BACH2: variants seen among roughly 807,000 people sequenced by gnomAD.
The protein encoded by BACH2 is BACH transcriptional regulator 2, also known as transcription regulator protein BACH2.
In BACH2, 5 loss-of-function variants were observed where a neutral mutation model predicts 61.8. The observed-to-expected ratio is 0.08, with a 90% confidence interval of 0.04 to 0.17. The LOEUF (loss-of-function observed/expected upper bound fraction) is 0.17, where lower values mean the gene tolerates loss of function less well. BACH2 is among the 10% of genes least tolerant of loss of function. BACH2 has a pLI of 1.00. For synonymous variants in BACH2, 446 were observed against 440.1 expected, an observed-to-expected ratio of 1.01 and a Z score of -0.17; for missense variants, 824 against 1,091.1, an observed-to-expected ratio of 0.76 and a Z score of 3.45.
At position 90,038,295 on chromosome 6, in the gene BACH2, C is replaced by G. The variant is rs922770102; in HGVS notation, c.-12-29439G>C. Among the ~76,000 whole-genome samples, 3 of 152,182 alleles carry G rather than the reference C, an allele frequency of 2.0e-5. No individual in the cohort carries two copies. In the South Asian group the frequency reaches 6.2e-4, roughly 32 times the overall value. Reference sequence around the variant, plus strand: ...ACCCAAATGAAGACTATTATCAGCACCCCAGAATTCTCCTTCATGCCCCAT... The same window carrying G: ...ACCCAAATGAAGACTATTATCAGCAGCCCAGAATTCTCCTTCATGCCCCAT... On this transcript the variant is annotated intron_variant, in intron 5 of 8. Transcript: ENST00000257749.
At chr6:90,107,995 A>G (rs749105332) in intron 4 of BACH2, among the ~76,000 whole-genome samples, 1 of 152,128 alleles carries the variant, frequency 6.6e-6, no homozygotes, top group Non-Finnish European at 1.5e-5. Flanking sequence ...ATAAATATTT[A>G]CCATATCTAT....
At chr6:90,015,400 T>C (rs1435414125) in intron 5 of BACH2, among the ~76,000 whole-genome samples, 1 of 152,196 alleles carries the variant, frequency 6.6e-6, no homozygotes, top group Non-Finnish European at 1.5e-5. Flanking sequence ...TTTTGTCTTT[T>C]CTAACACAGG....
intron 4 of BACH2, among the ~76,000 whole-genome samples, chr6:90,168,509 G>A (rs1480564832): frequency 2.0e-5 from 3 of 152,062 alleles, no homozygotes; most frequent in Non-Finnish European, 4.4e-5. Context: ...AAAACAATAG[G>A]TTTCAAAAAT....
chr6:90,155,019 G>GGA (rs979791167), intron 4 of BACH2, among the ~76,000 whole-genome samples: 46 of 152,310 alleles, frequency 3.0e-4, no homozygotes, highest in African/African-American at 1.1e-3. Flanking sequence ...CACTGCAAAG[G>GGA]GAGAGCTAGG....
At chr6:90,143,029 G>T (rs1784512349) in intron 4 of BACH2, among the ~76,000 whole-genome samples, 1 of 152,144 alleles carries the variant, frequency 6.6e-6, no homozygotes, top group African/African-American at 2.4e-5. Flanking sequence ...ATGTAGATGT[G>T]TTTCTTAGAA....
chr6:89,989,483 G>A (rs913342267), intron 6 of BACH2, among the ~76,000 whole-genome samples: 3 of 152,006 alleles, frequency 2.0e-5, no homozygotes, highest in African/African-American at 4.8e-5. Flanking sequence ...CATACAGAGC[G>A]AGAGAGAGAG....
intron 4 of BACH2, among the ~76,000 whole-genome samples, chr6:90,102,251 C>A (rs1782660630): frequency 6.6e-6 from 1 of 151,564 alleles, no homozygotes; most frequent in African/African-American, 2.4e-5. Context: ...TGCTGACAGC[C>A]CATATAATGA....
intron 5 of BACH2, among the ~76,000 whole-genome samples, chr6:90,033,045 A>T (rs1018249026): frequency 4.6e-5 from 7 of 152,292 alleles, no homozygotes; most frequent in African/African-American, 9.6e-5. Flanking sequence ...TGATGAGTTC[A>T]TGTCCTTTGT....
intron 4 of BACH2, among the ~76,000 whole-genome samples, chr6:90,187,529 T>C (rs945416814): frequency 3.9e-5 from 6 of 152,204 alleles, no homozygotes; most frequent in East Asian, 1.9e-4. Flanking sequence ...GCTTCTACTA[T>C]GTGATGGGTC....
At chr6:90,235,023 C>G (rs1770213622) in intron 3 of BACH2, among the ~76,000 whole-genome samples, 2 of 152,198 alleles carry the variant, frequency 1.3e-5, no homozygotes, top group Non-Finnish European at 2.9e-5. Flanking sequence ...AGTCAGCAAC[C>G]TGACCTAAAG....
intron 4 of BACH2, among the ~76,000 whole-genome samples, chr6:90,203,195 G>T (rs572066581): frequency 6.6e-6 from 1 of 152,006 alleles, no homozygotes; most frequent in South Asian, 2.1e-4. Flanking sequence ...AGGATTGCTT[G>T]AGTCCAGGGG....
At chr6:90,029,070 C>T (rs973191006) in intron 5 of BACH2, among the ~76,000 whole-genome samples, 4 of 152,178 alleles carry the variant, frequency 2.6e-5, no homozygotes, top group African/African-American at 7.2e-5. Context: ...CTTTTCTTCA[C>T]GTAAGTATTT....
At chr6:90,079,781 TC>T (rs1184867713) in intron 5 of BACH2, among the ~76,000 whole-genome samples, 2 of 152,174 alleles carry the variant, frequency 1.3e-5, no homozygotes, top group African/African-American at 2.4e-5. Flanking sequence ...CGCTACTTTT[TC>T]TGGGCCACCC....
At chr6:90,206,859 C>T (rs780590611) in intron 3 of BACH2, among the ~76,000 whole-genome samples, 178 bp from the exon 4 acceptor site, 29 of 152,102 alleles carry the variant, frequency 1.9e-4, no homozygotes, top group Admixed American at 1.1e-3. Context: ...CTAGTGCAAA[C>T]GGGGGCTGCC....
chr6:90,084,823 G>A (rs1339605283), intron 5 of BACH2, among the ~76,000 whole-genome samples: 1 of 152,016 alleles, frequency 6.6e-6, no homozygotes, highest in Non-Finnish European at 1.5e-5. Context: ...GGTATCTTAA[G>A]GAGATAGTAG....
chr6:90,283,555 T>G (rs187444150), intron 1 of BACH2, among the ~76,000 whole-genome samples: 17 of 151,522 alleles, frequency 1.1e-4, no homozygotes, highest in Non-Finnish European at 2.5e-4. Flanking sequence ...TTTTGTATTT[T>G]TACTAGAGAC....
At chr6:90,235,222 A>G (rs1018602277) in intron 3 of BACH2, among the ~76,000 whole-genome samples, 2 of 152,226 alleles carry the variant, frequency 1.3e-5, no homozygotes, top group African/African-American at 4.8e-5. Context: ...ATAGAAAGGA[A>G]GATTAGTGTG....
chr6:90,025,042 GAGA>G (rs1000258513), intron 5 of BACH2, among the ~76,000 whole-genome samples: 1 of 152,216 alleles, frequency 6.6e-6, no homozygotes, highest in African/African-American at 2.4e-5. Flanking sequence ...GCGGGCCAGA[GAGA>G]AGGCTACAAC....
At chr6:90,171,765 C>A (rs111593217) in intron 4 of BACH2, among the ~76,000 whole-genome samples, 1 of 152,066 alleles carries the variant, frequency 6.6e-6, no homozygotes, top group Non-Finnish European at 1.5e-5. Flanking sequence ...ATGTGTTTAA[C>A]ATTTTTAAAA....
Sources: gnomAD v4.1 joint callset for allele counts (sites outside exome capture counted in the v4.1 genomes callset) on GRCh38, gnomAD v4.1.1 for gene constraint, MANE v1.5 for transcripts, NCBI Gene and HGNC (gene_info 2026-07-23, HGNC 2026-07-21) for gene names.